NDUFB2: variants seen among roughly 807,000 people sequenced by gnomAD.
The protein encoded by NDUFB2 is NADH:ubiquinone oxidoreductase subunit B2.
Under a neutral mutation model 13.4 loss-of-function variants are expected in NDUFB2, and 13 were observed. That is an observed-to-expected ratio of 0.97 (90% CI 0.63 to 1.54). NDUFB2 has a LOEUF of 1.54. Among genes scored for constraint, NDUFB2 ranks in the 40% most tolerant of loss-of-function variants. The pLI, the probability that NDUFB2 is intolerant of heterozygous loss-of-function variation, is 0.00. For synonymous variants in NDUFB2, 47 were observed against 50.6 expected, an observed-to-expected ratio of 0.93 and a Z score of 0.30; for missense variants, 150 against 139.7, an observed-to-expected ratio of 1.07 and a Z score of -0.37.
chr7:140,702,877 G>A lies in NDUFB2; in HGVS notation c.110G>A (p.Gly37Asp), dbSNP rs1221530077. 1.2e-6 allele frequency: 2 copies of A among 1,614,028 alleles called. No homozygotes were observed. The highest frequency in any genetic ancestry group is 2.2e-5 in the South Asian group (2 of 91,080). ...GDGGVRHAGG[G>D]VHIEPRYRQF... ...GTTTTGTCTTGCAGTGCCGGTGGTG[G>A]TGTGCACATTGAGCCCCGGTATAGA... The change falls in exon 2 of 4, where the codon GGT becomes GAT. Residue 37 changes from glycine to aspartate, a missense_variant. Gly to Asp is a moderately conservative substitution (Grantham distance 94, BLOSUM62 -1). Coordinates refer to ENST00000247866, the MANE Select transcript of NDUFB2 (RefSeq NM_004546.3).
At chr7:140,704,310 G>C (rs528972086) in intron 2 of NDUFB2, among the ~76,000 whole-genome samples, 8 of 152,250 alleles carry the variant, frequency 5.3e-5, no homozygotes, top group African/African-American at 1.7e-4. Flanking sequence ...CCTTCAGTAA[G>C]GAGCTGCCTG....
chr7:140,704,900 A>T lies in NDUFB2; in HGVS notation c.284A>T (p.Glu95Val). The T allele has an allele frequency of 6.2e-7, 1 of 1,606,040 alleles. No homozygotes were observed. The highest frequency in any genetic ancestry group is 8.5e-7 in the Non-Finnish European group (1 of 1,176,496). ...CCTGATCCTTCCCAGTGGACAGATG[A>T]AGAATTAGGTATCCCTCCTGATGAT... is the stretch of plus-strand genomic sequence containing the variant. ...PYPDPSQWTD[E>V]ELGIPPDDED The change falls in exon 3 of 4, where the codon GAA becomes GTA. Residue 95 changes from glutamate to valine, a missense_variant. Glu to Val is a moderately radical substitution (Grantham distance 121). Coordinates refer to ENST00000247866, the MANE Select transcript of NDUFB2 (RefSeq NM_004546.3).
rs142541369 is a variant in NDUFB2 at position 140,697,581 on chromosome 7, G to T, written c.98+739G>T. Among the ~76,000 whole-genome samples the T allele has an allele frequency of 1.6e-3, 246 of 152,278 alleles. 3 individuals are homozygous for T. Among genetic ancestry groups the T allele is most frequent in the African/African-American group, 5.0e-3 (208 of 41,556 alleles). On this transcript the variant is annotated intron_variant, in intron 1 of 3. Transcript: ENST00000247866. Reference sequence around the variant, plus strand: ...CGAGTTAGTGGTGTGCAGAGATTCCGTAAGAGCAGGACTGGAAAAGAGTCA... The same window carrying T: ...CGAGTTAGTGGTGTGCAGAGATTCCTTAAGAGCAGGACTGGAAAAGAGTCA...
At chr7:140,703,866 T>C (rs942635598) in intron 2 of NDUFB2, among the ~76,000 whole-genome samples, 4 of 151,882 alleles carry the variant, frequency 2.6e-5, no homozygotes, top group African/African-American at 9.7e-5. Context: ...CGCCATTCTC[T>C]TGCCTCAGCC....
chr7:140,699,385 C>G (rs1794865374), intron 1 of NDUFB2, among the ~76,000 whole-genome samples: 1 of 152,072 alleles, frequency 6.6e-6, no homozygotes, highest in South Asian at 2.1e-4. Flanking sequence ...TTCTCTTAGT[C>G]TCTTGAGGGT....
chr7:140,697,097 G>C (rs1057499094), intron 1 of NDUFB2: 2 of 587,852 alleles, frequency 3.4e-6, no homozygotes, highest in Admixed American at 3.1e-5. Flanking sequence ...GCCTGCCCTC[G>C]GGAGACGCAC....
rs1439166460 is a variant in NDUFB2, at chr7:140,696,831, T to C, written c.87T>C (p.Gly29=). 4.4e-6 allele frequency: 7 copies of C among 1,606,948 alleles called. No individual in the cohort carries two copies. The South Asian group carries it at 7.8e-5, about 18-fold the overall frequency. ...RSGCARTAGD[G]GVRHAGGGVH... ...GCTGCGCACGGACTGCTGGAGATGGTGGAGTCCGTCAGTGAGTGTGGGGCT... is the reference window on the plus strand; with the variant it reads ...GCTGCGCACGGACTGCTGGAGATGGCGGAGTCCGTCAGTGAGTGTGGGGCT... Residue 29 remains glycine, a synonymous_variant, in exon 1 of 4, where the codon GGT becomes GGC. Coordinates refer to ENST00000247866, the MANE Select transcript of NDUFB2 (RefSeq NM_004546.3).
At position 140,701,850 on chromosome 7, in the gene NDUFB2, C is replaced by T. The variant is rs1351859139; in HGVS notation, c.99-1016C>T. On this transcript the variant is annotated intron_variant, in intron 1 of 3. Transcript: ENST00000247866. ...ACTTGGGAGGCTGAGGCAGGAGGAT[C>T]GCTTGAACCCAGGAGGCGGAGGTTG... 8 of 451,170 alleles carry T rather than the reference C, an allele frequency of 1.8e-5. No individual in the cohort carries two copies. In the Admixed American group the frequency reaches 2.0e-4, roughly 11 times the overall value. 27.9% of individuals were successfully genotyped at this position (451,170 alleles called of 1,614,324 possible). A position where few individuals can be genotyped will look rare whatever the true frequency, so the allele number is the denominator to read the frequency against.
chr7:140,701,182 T>C (rs1215167068), intron 1 of NDUFB2: 1 of 152,244 alleles, frequency 6.6e-6, no homozygotes, highest in Non-Finnish European at 1.5e-5. Flanking sequence ...TTAAAAGTTA[T>C]GTCTTTGATT....
chr7:140,702,175 T>C (rs1794907207), intron 1 of NDUFB2: 1 of 626,856 alleles, frequency 1.6e-6, no homozygotes. Flanking sequence ...CACTTCTGTT[T>C]ATTAGCATAT....
At chr7:140,703,724 T>C (rs1351274047) in intron 2 of NDUFB2, among the ~76,000 whole-genome samples, 2 of 152,002 alleles carry the variant, frequency 1.3e-5, no homozygotes, top group African/African-American at 4.8e-5. Flanking sequence ...TAATTTGTCT[T>C]GAGAAGGGAA....
Position 140,702,906 on chromosome 7 carries a change from T to C in NDUFB2, c.139T>C (p.Phe47Leu). ...GCACATTGAGCCCCGGTATAGACAG[T>C]TCCCCCAGCTGACCAGATCCCAGGT... ...GVHIEPRYRQFPQLTRSQVFQ... is the reference protein window; with the variant it reads ...GVHIEPRYRQLPQLTRSQVFQ... The change falls in exon 2 of 4, where the codon TTC becomes CTC. Residue 47 changes from phenylalanine to leucine, a missense_variant. Transcript: ENST00000247866. The C allele has an allele frequency of 6.2e-7, 1 of 1,614,112 alleles. No individual in the cohort carries two copies. The highest frequency in any genetic ancestry group is 8.5e-7 in the Non-Finnish European group (1 of 1,180,030).
rs1794840979 is a variant in NDUFB2 at position 140,698,027 on chromosome 7, G to A, written c.98+1185G>A. ...TAAAGTGTTTAAAACAATTGCTGGT[G>A]CCTGCTAAGGACCGTACAAGTATTC... On this transcript the variant is annotated intron_variant, in intron 1 of 3. Transcript: ENST00000247866. 3 of 1,291,088 alleles carry A rather than the reference G, an allele frequency of 2.3e-6. No homozygotes were observed. The South Asian group carries it at 3.7e-5, about 16-fold the overall frequency. 80.0% of individuals were successfully genotyped at this position (1,291,088 alleles called of 1,614,324 possible).
At chr7:140,702,845 C>G in intron 1 of NDUFB2, 21 bp from the exon 2 acceptor site, 7 of 1,613,174 alleles carry the variant, frequency 4.3e-6, no homozygotes, top group Non-Finnish European at 4.2e-6. Flanking sequence ...ACGCTGTCTG[C>G]CATGTTGTTT....
intron 2 of NDUFB2, among the ~76,000 whole-genome samples, chr7:140,704,105 C>G (rs910929361): frequency 1.3e-5 from 2 of 152,226 alleles, no homozygotes; most frequent in Non-Finnish European, 2.9e-5. Context: ...GGTTTTACCA[C>G]ATTTGCAGAC....
chr7:140,697,111 TG>T, intron 1 of NDUFB2: 1 of 586,390 alleles, frequency 1.7e-6, no homozygotes, highest in Non-Finnish European at 3.0e-6. Flanking sequence ...GACGCACGCG[TG>T]AATGCGGAGC....
intron 1 of NDUFB2, chr7:140,698,303 A>T: frequency 7.4e-7 from 1 of 1,350,522 alleles, no homozygotes; most frequent in Non-Finnish European, 9.8e-7. Flanking sequence ...CTTGTTTCAG[A>T]GTGTGTGATA....
intron 1 of NDUFB2, among the ~76,000 whole-genome samples, chr7:140,698,857 T>G (rs542689228): frequency 1.5e-3 from 228 of 152,248 alleles, no homozygotes; most frequent in African/African-American, 5.2e-3. Flanking sequence ...TCTGATTTAT[T>G]TTTTAAAAAT....
chr7:140,703,075 GTTTA>G (rs1212176123), intron 2 of NDUFB2, 65 bp downstream of exon 2: 2 of 1,582,930 alleles, frequency 1.3e-6, no homozygotes, highest in East Asian at 4.5e-5. Context: ...TTAATAGCTT[GTTTA>G]TTTTTCTGTT....
Sources: allele counts gnomAD v4.1 joint callset (sites outside exome capture counted in the v4.1 genomes callset), GRCh38; gene constraint gnomAD v4.1.1; transcripts MANE v1.5; gene names NCBI Gene and HGNC (gene_info 2026-07-23, HGNC 2026-07-21).